SH3GL2: variants seen among roughly 807,000 people sequenced by gnomAD.
SH3GL2 encodes SH3 domain containing GRB2 like 2, endophilin A1.
In SH3GL2, 24 loss-of-function variants were observed where a neutral mutation model predicts 46.0. The observed-to-expected ratio is 0.52, with a 90% CI of 0.38 to 0.73. The LOEUF is 0.73. Ranked by LOEUF, SH3GL2 falls within the 30% of genes least tolerant of loss-of-function variation. The pLI, the probability that SH3GL2 is intolerant of heterozygous loss-of-function variation, is 0.00. For synonymous variants in SH3GL2, 196 were observed against 147.1 expected (o/e 1.33, Z -2.40); for missense variants, 413 against 424.2 (o/e 0.97, Z 0.23).
chr9:17,647,433 C>T (rs201782845), intron 1 of SH3GL2, among the ~76,000 whole-genome samples: 1 of 127,588 alleles, frequency 7.8e-6, no homozygotes, highest in African/African-American at 2.6e-5. Flanking sequence ...CTCTCTGTCT[C>T]TCTCTCTACC....
At chr9:17,614,887 C>T (rs959891096) in intron 1 of SH3GL2, among the ~76,000 whole-genome samples, 1 of 152,152 alleles carries the variant, frequency 6.6e-6, no homozygotes, top group African/African-American at 2.4e-5. Context: ...AATACAAAAT[C>T]CCTTCACAGA....
At chr9:17,597,737 C>G (rs73418641) in intron 1 of SH3GL2, among the ~76,000 whole-genome samples, 9,586 of 152,126 alleles carry the variant, frequency 0.063, 1,074 homozygotes, top group African/African-American at 0.22. Flanking sequence ...GATTATGGAA[C>G]TATCCATTAA....
chr9:17,628,162 A>C (rs1819327962), intron 1 of SH3GL2, among the ~76,000 whole-genome samples: 1 of 152,190 alleles, frequency 6.6e-6, no homozygotes, highest in South Asian at 2.1e-4. Flanking sequence ...TATATCATTC[A>C]AAATAATAGA....
In SH3GL2 at chr9:17,772,878, A is replaced by G. The variant is rs564455091; in HGVS notation, c.187+11369A>G. ...GATATCCAGAAATGGAATTGCTGGA[A>G]CTTAAGGGAATTCTATTTTTTATTT... is the stretch of plus-strand genomic sequence containing the variant. On this transcript the variant is annotated intron_variant, in intron 3 of 8. Transcript: ENST00000380607. 5.9e-5 allele frequency among the ~76,000 whole-genome samples: 9 copies of G among 152,282 alleles called. No homozygotes were observed. The South Asian group carries it at 1.7e-3, about 28-fold the overall frequency.
At chr9:17,615,724 A>G (rs1215399830) in intron 1 of SH3GL2, among the ~76,000 whole-genome samples, 2 of 150,994 alleles carry the variant, frequency 1.3e-5, no homozygotes. Flanking sequence ...AAAACTTAGG[A>G]CGAAAGTTAA....
At chr9:17,622,987 T>TTTCCTTTCCTTTCCTTTCCG (rs1588181128) in intron 1 of SH3GL2, among the ~76,000 whole-genome samples, 1 of 52,514 alleles carries the variant, frequency 1.9e-5, no homozygotes, top group South Asian at 8.7e-4. Context: ...TTTCCTTTCG[T>TTTCCTTTCCTTTCCTTTCCG]TTCCTTTCCT....
At chr9:17,660,442 C>T (rs150080970) in intron 1 of SH3GL2, among the ~76,000 whole-genome samples, 3 of 152,296 alleles carry the variant, frequency 2.0e-5, no homozygotes, top group Non-Finnish European at 4.4e-5. Context: ...AGCCGGTAGA[C>T]ATTTATTGTT....
intron 5 of SH3GL2, among the ~76,000 whole-genome samples, chr9:17,788,712 C>A (rs908628030): frequency 9.2e-5 from 14 of 152,084 alleles, no homozygotes; most frequent in African/African-American, 3.4e-4. Context: ...TGGTAGGTCC[C>A]TTCCAAGTGA....
chr9:17,599,675 C>G (rs75969526), intron 1 of SH3GL2, among the ~76,000 whole-genome samples: 2 of 152,070 alleles, frequency 1.3e-5, no homozygotes, highest in Non-Finnish European at 2.9e-5. Context: ...GACGTGCTTA[C>G]GGTTGGGGGA....
Position 17,786,498 on chromosome 9 carries a change from G to T in SH3GL2, c.305G>T (p.Arg102Ile), listed in dbSNP as rs1823961470. The T allele has an allele frequency of 6.2e-7, 1 of 1,613,292 alleles. No homozygotes were observed. Among genetic ancestry groups the T allele is most frequent in the African/African-American group, 1.3e-5 (1 of 74,876 alleles). The part of the protein sequence containing the change: ...LLAEAMLKFG[R>I]ELGDDCNFGP... ...GCAGAGGCCATGCTCAAATTTGGAA[G>T]AGAGCTTGGAGATGATTGCAACTTT... The change falls in exon 4 of 9, where the codon AGA (arginine) becomes ATA (isoleucine). Residue 102 changes from arginine (R) to isoleucine (I), a missense_variant. Coordinates refer to ENST00000380607, the MANE Select transcript of SH3GL2 (RefSeq NM_003026.5).
At chr9:17,643,510 T>C (rs1369741754) in intron 1 of SH3GL2, among the ~76,000 whole-genome samples, 1 of 152,186 alleles carries the variant, frequency 6.6e-6, no homozygotes, top group Non-Finnish European at 1.5e-5. Context: ...GGCTGTGGGT[T>C]TGTCATAAAA....
At chr9:17,756,529 A>T (rs528933110) in intron 2 of SH3GL2, among the ~76,000 whole-genome samples, 9 of 134,470 alleles carry the variant, frequency 6.7e-5, no homozygotes, top group Non-Finnish European at 1.2e-4. Flanking sequence ...CCTGTGTCCA[A>T]GTGTTCTCAT....
chr9:17,596,342 A>ATT (rs994400973), intron 1 of SH3GL2, among the ~76,000 whole-genome samples: 2 of 148,572 alleles, frequency 1.3e-5, no homozygotes, highest in African/African-American at 4.9e-5. Context: ...TTAAATGAAG[A>ATT]TTTTTTTTTT....
chr9:17,770,176 A>G (rs1265889388), intron 3 of SH3GL2, among the ~76,000 whole-genome samples: 1 of 152,184 alleles, frequency 6.6e-6, no homozygotes, highest in East Asian at 1.9e-4. Context: ...GCTTTGGGAA[A>G]AGTGTGGATG....
At chr9:17,700,877 T>A (rs1296331928) in intron 1 of SH3GL2, among the ~76,000 whole-genome samples, 1 of 152,226 alleles carries the variant, frequency 6.6e-6, no homozygotes, top group East Asian at 1.9e-4. Flanking sequence ...ACTGCAATTA[T>A]GTTTGCACCA....
rs1477112951 is a variant in SH3GL2 at position 17,738,646 on chromosome 9, A to G, written c.46-8420A>G. On this transcript the variant is annotated intron_variant, in intron 1 of 8. Transcript: ENST00000380607. The stretch of plus-strand genomic sequence containing the variant: ...TGATTTTATATATATATATATAGAG[A>G]GAGAGAGAGAGAGAGAGAGAGAGAG... 4.2e-5 allele frequency among the ~76,000 whole-genome samples: 5 copies of G among 120,358 alleles called. 1 individual carries two copies. The highest frequency in any genetic ancestry group is 8.8e-5 in the African/African-American group (3 of 34,000). 79.0% of individuals were successfully genotyped at this position (120,358 alleles called of 152,430 possible).
At chr9:17,698,272 C>T (rs901030506) in intron 1 of SH3GL2, among the ~76,000 whole-genome samples, 2 of 152,180 alleles carry the variant, frequency 1.3e-5, no homozygotes, top group Admixed American at 1.3e-4. Flanking sequence ...CACCTTCTGC[C>T]TCTGAATTTC....
rs1490476561 is a variant in SH3GL2 at position 17,795,550 on chromosome 9, A to G, written c.866A>G (p.Gln289Arg). ...HTGTPKPSGVQMDQPCCRALY... is the reference protein window; with the variant it reads ...HTGTPKPSGVRMDQPCCRALY... ...CTCCTGCTCTTACTCCCAGGTGTCC[A>G]AATGGATCAGCCCTGCTGCCGAGCT... Residue 289 changes from glutamine to arginine, a missense_variant, in exon 9 of 9, where the codon CAA (glutamine) becomes CGA (arginine). By Grantham distance (43) the Gln-to-Arg change is conservative (BLOSUM62 1). Transcript: ENST00000380607. The G allele has an allele frequency of 6.2e-7, 1 of 1,613,808 alleles. No individual in the cohort carries two copies. Among genetic ancestry groups the G allele is most frequent in the South Asian group, 1.1e-5 (1 of 91,058 alleles).
chr9:17,627,943 C>T (rs910562400), intron 1 of SH3GL2, among the ~76,000 whole-genome samples: 2 of 152,188 alleles, frequency 1.3e-5, no homozygotes, highest in Admixed American at 6.5e-5. Flanking sequence ...CTTCATGTCT[C>T]GGGCTTCTTA....
Sources: gnomAD v4.1 joint callset for allele counts (sites outside exome capture counted in the v4.1 genomes callset) on GRCh38, gnomAD v4.1.1 for gene constraint, MANE v1.5 for transcripts, NCBI Gene and HGNC (gene_info 2026-07-23, HGNC 2026-07-21) for gene names.